ACTL8: variants seen among roughly 807,000 people sequenced by gnomAD.
ACTL8 encodes actin like 8, also known as actin-like protein 8.
Under a neutral mutation model 9.3 loss-of-function variants are expected in ACTL8, and 3 were observed. That is an observed-to-expected ratio of 0.32 (90% CI 0.15 to 0.83). The LOEUF (loss-of-function observed/expected upper bound fraction) is 0.83. Ranked by LOEUF, ACTL8 falls within the 40% of genes least tolerant of loss-of-function variation. The pLI, the probability that ACTL8 is intolerant of heterozygous loss-of-function variation, is 0.57. For synonymous variants in ACTL8, 224 were observed against 205.9 expected (o/e 1.09, Z -0.75); for missense variants, 381 against 492.2 (o/e 0.77, Z 2.14).
intron 1 of ACTL8, among the ~76,000 whole-genome samples, chr1:17,783,591 G>A (rs143555991): frequency 1.1e-4 from 16 of 152,266 alleles, no homozygotes; most frequent in Non-Finnish European, 2.2e-4. Flanking sequence ...CTCTAGCTTC[G>A]CAACTCTGGC....
chr1:17,793,681 T>C (rs989092617), intron 1 of ACTL8, among the ~76,000 whole-genome samples: 2 of 152,030 alleles, frequency 1.3e-5, no homozygotes, highest in Non-Finnish European at 2.9e-5. Flanking sequence ...TTGCAGAGGG[T>C]GAGTGGCCAC....
At chr1:17,784,876 G>A (rs545485086) in intron 1 of ACTL8, among the ~76,000 whole-genome samples, 71 of 152,320 alleles carry the variant, frequency 4.7e-4, no homozygotes, top group African/African-American at 1.7e-3. Flanking sequence ...AGTTACAAAA[G>A]AAAGAAGTTG....
chr1:17,800,828 C>T (rs574131826), intron 1 of ACTL8, among the ~76,000 whole-genome samples: 6 of 151,958 alleles, frequency 3.9e-5, no homozygotes, highest in African/African-American at 1.2e-4. Context: ...CTCCTCACCT[C>T]GTGATCCACC....
rs569762848 is a variant in ACTL8, at chr1:17,789,364, C to T, written c.-24-33621C>T. On this transcript the variant is annotated intron_variant, in intron 1 of 2. Coordinates refer to ENST00000375406, the MANE Select transcript of ACTL8 (RefSeq NM_030812.3). ...GGGCCATCTCCTTCTCACATATCAC[C>T]CCTTAGAGCAGTCCCTCTCAGTGCC... Among the ~76,000 whole-genome samples the T allele has an allele frequency of 2.0e-5, 3 of 152,304 alleles. No homozygotes were observed. The South Asian group carries it at 6.2e-4, about 32-fold the overall frequency.
intron 1 of ACTL8, among the ~76,000 whole-genome samples, chr1:17,776,954 C>T (rs1038166819): frequency 7.5e-5 from 11 of 147,276 alleles, no homozygotes; most frequent in Admixed American, 2.1e-4. Context: ...CATCCACCAC[C>T]GTTCCTGGCT....
At chr1:17,817,203 T>TC (rs1412368278) in intron 1 of ACTL8, among the ~76,000 whole-genome samples, 9 of 151,664 alleles carry the variant, frequency 5.9e-5, no homozygotes, top group African/African-American at 1.7e-4. Flanking sequence ...TTTTTTTTTT[T>TC]CTGATCTGGG....
intron 1 of ACTL8, among the ~76,000 whole-genome samples, chr1:17,791,919 G>T (rs774209589): frequency 6.6e-6 from 1 of 152,216 alleles, no homozygotes; most frequent in African/African-American, 2.4e-5. Flanking sequence ...AACTGAAGCC[G>T]GGACTCCCAT....
Position 17,767,155 on chromosome 1 carries a change from G to C in ACTL8, c.-25+11651G>C, listed in dbSNP as rs2066050697. Among the ~76,000 whole-genome samples, 1 of 152,152 alleles carries C rather than the reference G, an allele frequency of 6.6e-6. No individual in the cohort carries two copies. Among genetic ancestry groups the C allele is most frequent in the African/African-American group, 2.4e-5 (1 of 41,436 alleles). ...GAGACGGGTGAGCATCATGAAGAAGGGGTTCCAGGCAGAGAGCAGCGTCTG... is the reference window on the plus strand; with the variant it reads ...GAGACGGGTGAGCATCATGAAGAAGCGGTTCCAGGCAGAGAGCAGCGTCTG... On this transcript the variant is annotated intron_variant, in intron 1 of 2. Transcript: ENST00000375406. This position sits in a 1 kb window ranked among gnomAD's most constrained non-coding sequence, Gnocchi z 4.7.
intron 1 of ACTL8, among the ~76,000 whole-genome samples, chr1:17,761,955 G>A (rs2066009309): frequency 6.6e-6 from 1 of 151,930 alleles, no homozygotes; most frequent in Non-Finnish European, 1.5e-5. Context: ...ATCTCAGGTG[G>A]GAAGGTCTCG....
At chr1:17,774,028 G>C (rs561216343) in intron 1 of ACTL8, among the ~76,000 whole-genome samples, 1 of 152,284 alleles carries the variant, frequency 6.6e-6, no homozygotes, top group African/African-American at 2.4e-5. Context: ...GGGTTGGCCT[G>C]AGTTCACCTT....
intron 1 of ACTL8, among the ~76,000 whole-genome samples, chr1:17,812,453 G>A (rs185872221): frequency 0.039 from 5,189 of 133,926 alleles, 144 homozygotes; most frequent in Middle Eastern, 0.065. Context: ...TTTTTGAGAC[G>A]GAGTCTCACT....
chr1:17,826,596 TG>T lies in ACTL8; in HGVS notation c.*82del. 1 of 1,358,200 alleles carries T rather than the reference TG, an allele frequency of 7.4e-7. No individual in the cohort carries two copies. The highest frequency in any genetic ancestry group is 1.8e-5 in the South Asian group (1 of 55,994). The allele number at this position is 1,358,200 out of a possible 1,614,324, so 84.1% of individuals were successfully genotyped here. A position where few individuals can be genotyped will look rare whatever the true frequency, so the allele number is the denominator to read the frequency against. On this transcript the variant is annotated 3_prime_UTR_variant, in exon 3 of 3. Transcript: ENST00000375406. The surrounding 1 kb of genome is among the most constrained non-coding windows in gnomAD (Gnocchi z 4.5). ...ATTAATTTTAGCAAAATGTTCTGGG[TG>T]GGGGTAGAATGAGGTGGGGTGGGGT...
chr1:17,824,752 C>A (rs1224558539), intron 2 of ACTL8, among the ~76,000 whole-genome samples: 1 of 152,192 alleles, frequency 6.6e-6, no homozygotes, highest in African/African-American at 2.4e-5. Context: ...TATCCCTTTA[C>A]AGAAAATGCT....
At chr1:17,774,208 C>T (rs749511586) in intron 1 of ACTL8, among the ~76,000 whole-genome samples, 6 of 152,160 alleles carry the variant, frequency 3.9e-5, no homozygotes, top group African/African-American at 7.2e-5. Flanking sequence ...TTTCTGTGAC[C>T]GAGGACTCGG....
chr1:17,773,912 A>G (rs960383878), intron 1 of ACTL8, among the ~76,000 whole-genome samples: 1 of 152,232 alleles, frequency 6.6e-6, no homozygotes, highest in African/African-American at 2.4e-5. Context: ...GTGCAGGGCC[A>G]CAGAGGGTGC....
At chr1:17,782,259 G>A (rs1033355080) in intron 1 of ACTL8, among the ~76,000 whole-genome samples, 1 of 152,138 alleles carries the variant, frequency 6.6e-6, no homozygotes, top group Admixed American at 6.5e-5. Context: ...GACAGCTTGA[G>A]GCAGACTGAC....
intron 1 of ACTL8, among the ~76,000 whole-genome samples, chr1:17,761,133 A>G (rs561219572): frequency 1.6e-4 from 24 of 147,924 alleles, no homozygotes; most frequent in Middle Eastern, 3.4e-3. Context: ...ATTGCGGCTT[A>G]ATTTTTTTTT....
chr1:17,821,632 C>CT (rs35829365), intron 1 of ACTL8, among the ~76,000 whole-genome samples: 69,836 of 151,402 alleles, frequency 0.46, 16,839 homozygotes, highest in East Asian at 0.68. Context: ...TGACTATTCC[C>CT]TTTTTTTTCT....
chr1:17,798,631 A>G (rs1327926938), intron 1 of ACTL8, among the ~76,000 whole-genome samples: 3 of 152,190 alleles, frequency 2.0e-5, no homozygotes, highest in Non-Finnish European at 2.9e-5. Context: ...ATTGACTTGC[A>G]TTTGTTCCAA....
Sources: gnomAD v4.1 joint callset for allele counts (sites outside exome capture counted in the v4.1 genomes callset) on GRCh38, gnomAD v4.1.1 for gene constraint, Gnocchi (gnomAD v3.1) non-coding constraint, MANE v1.5 for transcripts, NCBI Gene and HGNC (gene_info 2026-07-23, HGNC 2026-07-21) for gene names.